Variants in RHOU observed in about 807,000 individuals in gnomAD.
RHOU encodes the protein rho-related GTP-binding protein RhoU.
RHOU carries 8 observed loss-of-function variants against 12.6 expected under a neutral mutation model. The observed-to-expected ratio is 0.64, with a 90% CI of 0.37 to 1.15. RHOU has a LOEUF of 1.15. Ranked by LOEUF, RHOU falls within the 50% of genes most tolerant of loss-of-function variation. The pLI is 0.01. For synonymous variants in RHOU, 161 were observed against 147.4 expected (o/e 1.09, Z -0.67); for missense variants, 258 against 347.0 (o/e 0.74, Z 2.04).
the RHOU span, among the ~76,000 whole-genome samples, chr1:228,702,592 C>T: frequency 1.2e-4 from 18 of 152,306 alleles, 1 homozygote; most frequent in East Asian, 3.5e-3. Context: ...ACAGTCAAAT[C>T]AAGCAAATAT....
the RHOU span, among the ~76,000 whole-genome samples, chr1:228,691,670 C>T: frequency 8.0e-3 from 1,214 of 152,152 alleles, 15 homozygotes; most frequent in African/African-American, 0.028. Flanking sequence ...TAGTAATTTC[C>T]AAGTTTTGGC....
chr1:228,737,620 C>A lies in RHOU; in HGVS notation c.263-53C>A. On this transcript the variant is annotated intron_variant, in intron 1 of 2. Coordinates refer to ENST00000366691, the MANE Select transcript of RHOU (RefSeq NM_021205.6). The surrounding 1 kb of genome is among the most constrained non-coding windows in gnomAD (Gnocchi z 4.1). ...AGTGAAAGCTAAAACTATTAGTATT[C>A]CGAAAGGGGTTAAAAGACACCTCCT... The A allele has an allele frequency of 6.6e-7, 1 of 1,526,436 alleles. No individual in the cohort carries two copies. 94.6% of individuals were successfully genotyped at this position (1,526,436 alleles called of 1,614,324 possible). A position where few individuals can be genotyped will look rare whatever the true frequency, so the allele number is the denominator to read the frequency against.
At chr1:228,650,540 A>C in the RHOU span, 18 of 456,656 alleles carry the variant, frequency 3.9e-5, 1 homozygote, top group East Asian at 5.6e-4. Context: ...CTGTGCGAGG[A>C]GAGTGCCCGG....
At chr1:228,703,891 G>A in the RHOU span, among the ~76,000 whole-genome samples, 4,017 of 152,194 alleles carry the variant, frequency 0.026, 190 homozygotes, top group African/African-American at 0.091. Flanking sequence ...CAGGCACCCT[G>A]CCTCCCATTT....
the RHOU span, chr1:228,651,479 G>A: frequency 6.5e-6 from 1 of 152,926 alleles, no homozygotes; most frequent in South Asian, 2.1e-4. Context: ...ACCTCACTTT[G>A]TCATGTTGCC....
At chr1:228,682,677 C>G in the RHOU span, among the ~76,000 whole-genome samples, 1 of 152,002 alleles carries the variant, frequency 6.6e-6, no homozygotes, top group South Asian at 2.1e-4. Context: ...GGGGCAGAAA[C>G]AAATCATAAT....
the RHOU span, among the ~76,000 whole-genome samples, chr1:228,704,038 A>G: frequency 0.17 from 25,625 of 152,126 alleles, 2,828 homozygotes; most frequent in African/African-American, 0.31. Flanking sequence ...ACAAATGCAT[A>G]TCTGATTGCT....
chr1:228,734,472 A>G (rs965279711), upstream of RHOU, among the ~76,000 whole-genome samples: 1 of 152,194 alleles, frequency 6.6e-6, no homozygotes, highest in African/African-American at 2.4e-5. Context: ...TGGAATCCCA[A>G]AACGTTACTT....
At chr1:228,651,385 G>T in the RHOU span, 1 of 156,694 alleles carries the variant, frequency 6.4e-6, no homozygotes, top group South Asian at 1.9e-4. Flanking sequence ...GCTAAAACTG[G>T]GATAGAGGAA....
At chr1:228,720,014 C>A in the RHOU span, among the ~76,000 whole-genome samples, 1 of 152,006 alleles carries the variant, frequency 6.6e-6, no homozygotes, top group Admixed American at 6.6e-5. Context: ...TATATTTGGT[C>A]TCACAGTATA....
At chr1:228,681,574 C>T in the RHOU span, among the ~76,000 whole-genome samples, 4 of 152,074 alleles carry the variant, frequency 2.6e-5, no homozygotes, top group African/African-American at 7.2e-5. Flanking sequence ...ACGTAAGGCA[C>T]CTCAGACCAT....
At chr1:228,654,243 A>G in the RHOU span, among the ~76,000 whole-genome samples, 1 of 151,982 alleles carries the variant, frequency 6.6e-6, no homozygotes, top group African/African-American at 2.4e-5. Flanking sequence ...AAGTACCTGG[A>G]AACTACAGGC....
chr1:228,742,991 A>T (rs967140523), intron 2 of RHOU, among the ~76,000 whole-genome samples: 2 of 152,192 alleles, frequency 1.3e-5, no homozygotes, highest in Non-Finnish European at 2.9e-5. Flanking sequence ...TACTTTGAGC[A>T]CTTTTTCTAT....
chr1:228,724,154 C>A, the RHOU span, among the ~76,000 whole-genome samples: 1,784 of 152,172 alleles, frequency 0.012, 34 homozygotes, highest in African/African-American at 0.041. Flanking sequence ...CTGACGTATC[C>A]CCAACTACTC....
the RHOU span, among the ~76,000 whole-genome samples, chr1:228,719,967 T>C: frequency 6.6e-6 from 1 of 152,168 alleles, no homozygotes; most frequent in Non-Finnish European, 1.5e-5. Flanking sequence ...CCGTATCTTT[T>C]AAAAAAGTTA....
the RHOU span, among the ~76,000 whole-genome samples, chr1:228,668,284 G>A: frequency 6.6e-6 from 1 of 152,150 alleles, no homozygotes; most frequent in African/African-American, 2.4e-5. Context: ...GTAATGGACT[G>A]GTAAATGTAA....
chr1:228,682,075 G>C, the RHOU span, among the ~76,000 whole-genome samples: 1 of 152,182 alleles, frequency 6.6e-6, no homozygotes, highest in South Asian at 2.1e-4. Context: ...GGTGACTGGC[G>C]CCAGAGTTTT....
At chr1:228,652,910 C>G in the RHOU span, among the ~76,000 whole-genome samples, 356 of 152,194 alleles carry the variant, frequency 2.3e-3, 2 homozygotes, top group Middle Eastern at 0.024. Context: ...AAAGTGAAAG[C>G]ATTTATTTTT....
the RHOU span, among the ~76,000 whole-genome samples, chr1:228,686,871 C>T: frequency 2.0e-5 from 3 of 152,020 alleles, no homozygotes; most frequent in African/African-American, 7.2e-5. Context: ...CTCCCAATAG[C>T]TGGGATTACA....
Sources: gnomAD v4.1 joint callset for allele counts (sites outside exome capture counted in the v4.1 genomes callset) on GRCh38, gnomAD v4.1.1 for gene constraint, Gnocchi (gnomAD v3.1) non-coding constraint, MANE v1.5 for transcripts, NCBI Gene and HGNC (gene_info 2026-07-23, HGNC 2026-07-21) for gene names.